Variants in C5orf24 observed in about 807,000 individuals in gnomAD.
C5orf24 encodes the protein UPF0461 protein C5orf24.
Under a neutral mutation model 9.8 loss-of-function variants are expected in C5orf24, and 4 were observed. That is an observed-to-expected ratio of 0.41 (90% CI 0.20 to 0.93). The LOEUF (loss-of-function observed/expected upper bound fraction) is 0.93. C5orf24 is among the 40% of genes least tolerant of loss of function. The pLI, the probability that C5orf24 is intolerant of heterozygous loss-of-function variation, is 0.33. For missense variants in C5orf24, 170 were observed against 236.9 expected, an observed-to-expected ratio of 0.72 and a Z score of 1.85; for synonymous variants, 73 against 81.3, an observed-to-expected ratio of 0.90 and a Z score of 0.55.
chr5:134,846,044 G>T lies in C5orf24; in HGVS notation c.-172G>T, dbSNP rs2150171024. On this transcript the variant is annotated 5_prime_UTR_variant, in exon 1 of 2. Transcript: ENST00000394976. ...TGCGCGGCGGCCGCGGCGGGTGCTG[G>T]GAGCCAGCGCCTGCCTCGCCGCCGC... is the stretch of plus-strand genomic sequence containing the variant. The T allele has an allele frequency of 6.6e-6, 1 of 152,470 alleles. No individual in the cohort carries two copies. The highest frequency in any genetic ancestry group is 1.5e-5 in the Non-Finnish European group (1 of 68,158). 9.4% of individuals were successfully genotyped at this position (152,470 alleles called of 1,614,324 possible). A position where few individuals can be genotyped will look rare whatever the true frequency, so the allele number is the denominator to read the frequency against.
In C5orf24 at chr5:134,857,932, G is replaced by T; in HGVS notation, c.*2465G>T. On this transcript the variant is annotated 3_prime_UTR_variant, in exon 2 of 2. Coordinates refer to ENST00000394976, the MANE Select transcript of C5orf24 (RefSeq NM_001135586.1). ...ATACATACCCTTCCCTTTCTCCCCT[G>T]CCTTTCGTACATTCATTCCTCTTCC... is the stretch of plus-strand genomic sequence containing the variant. The T allele has an allele frequency of 6.0e-6, 1 of 166,856 alleles. No individual in the cohort carries two copies. 10.3% of individuals were successfully genotyped at this position (166,856 alleles called of 1,614,324 possible).
chr5:134,853,547 T>TTG (rs973378276), intron 1 of C5orf24, among the ~76,000 whole-genome samples: 1 of 145,998 alleles, frequency 6.8e-6, no homozygotes, highest in Non-Finnish European at 1.5e-5. Context: ...TTTTTTTTTT[T>TTG]TTTTCTATTT....
rs181987303 is a variant in C5orf24, at chr5:134,853,794, A to T, written c.-3-1104A>T. Among the ~76,000 whole-genome samples the T allele has an allele frequency of 2.8e-4, 43 of 152,242 alleles. No homozygotes were observed. In the East Asian group the frequency reaches 3.7e-3, roughly 13 times the overall value. ...TTGATAAATACACCTTACAAATAGG[A>T]GGTATTGGCTGGGTGCGGTGGCTCA... On this transcript the variant is annotated intron_variant, in intron 1 of 1. Coordinates refer to ENST00000394976, the MANE Select transcript of C5orf24 (RefSeq NM_001135586.1).
chr5:134,849,018 G>A (rs1333700034), intron 1 of C5orf24, among the ~76,000 whole-genome samples: 2 of 151,760 alleles, frequency 1.3e-5, no homozygotes, highest in Non-Finnish European at 2.9e-5. Flanking sequence ...AGTACTTTGG[G>A]AGGCTGAGCG....
upstream of C5orf24, among the ~76,000 whole-genome samples, chr5:134,843,235 C>G (rs1490159062): frequency 3.3e-5 from 5 of 152,092 alleles, no homozygotes; most frequent in African/African-American, 1.2e-4. Context: ...CCTCGGCCTC[C>G]CAAAGTCCTG....
intron 1 of C5orf24, among the ~76,000 whole-genome samples, chr5:134,849,847 G>A (rs1195426978): frequency 4.0e-5 from 6 of 151,512 alleles, no homozygotes; most frequent in Admixed American, 6.6e-5. Flanking sequence ...TTGTAGTGAC[G>A]GGGTTTCTCC....
upstream of C5orf24, among the ~76,000 whole-genome samples, chr5:134,843,348 A>G (rs756628707): frequency 8.5e-5 from 13 of 152,218 alleles, no homozygotes; most frequent in Non-Finnish European, 1.8e-4. Flanking sequence ...TATAACTTGT[A>G]TGAGCTTAAA....
chr5:134,847,318 C>G (rs1042432537), intron 1 of C5orf24, among the ~76,000 whole-genome samples: 1 of 152,096 alleles, frequency 6.6e-6, no homozygotes, highest in Non-Finnish European at 1.5e-5. Flanking sequence ...TTTTTTGAAA[C>G]GGAGTCTCAC....
chr5:134,853,525 CTTCTTT>C (rs1221255546), intron 1 of C5orf24, among the ~76,000 whole-genome samples: 1 of 127,530 alleles, frequency 7.8e-6, no homozygotes, highest in African/African-American at 2.9e-5. Flanking sequence ...TCTTCTTCTT[CTTCTTT>C]TTTTTTTTTT....
chr5:134,846,433 T>G (rs1045356621), intron 1 of C5orf24: 1 of 152,332 alleles, frequency 6.6e-6, no homozygotes, highest in African/African-American at 2.4e-5. Context: ...CCCTTTCTTT[T>G]CTTTGAGAGG....
At chr5:134,854,092 A>T (rs1034334182) in intron 1 of C5orf24, among the ~76,000 whole-genome samples, 9 of 152,208 alleles carry the variant, frequency 5.9e-5, no homozygotes, top group Middle Eastern at 3.2e-3. Context: ...AAATTTTTTT[A>T]AAAAAGGAGA....
upstream of C5orf24, among the ~76,000 whole-genome samples, chr5:134,842,354 G>A (rs903327663): frequency 6.6e-6 from 1 of 152,020 alleles, no homozygotes; most frequent in African/African-American, 2.4e-5. Flanking sequence ...GCCAGGCATG[G>A]TAGCACATGC....
At chr5:134,844,862 C>T (rs1561883663), upstream of C5orf24, among the ~76,000 whole-genome samples, 1 of 152,152 alleles carries the variant, frequency 6.6e-6, no homozygotes, top group East Asian at 1.9e-4. Context: ...CTCAGCCTTC[C>T]GAGTAGCTGG....
chr5:134,837,106 T>C, the C5orf24 span, among the ~76,000 whole-genome samples: 1 of 152,072 alleles, frequency 6.6e-6, no homozygotes, highest in African/African-American at 2.4e-5. Context: ...CCCAAGTAGC[T>C]GGGACTATAG....
At chr5:134,838,367 T>G in the C5orf24 span, among the ~76,000 whole-genome samples, 1 of 152,090 alleles carries the variant, frequency 6.6e-6, no homozygotes, top group African/African-American at 2.4e-5. Flanking sequence ...TGGAATAGTG[T>G]GATGTTTAAA....
chr5:134,857,916 C>T lies in C5orf24; in HGVS notation c.*2449C>T, dbSNP rs963338151. 1 of 167,066 alleles carries T rather than the reference C, an allele frequency of 6.0e-6. No individual in the cohort carries two copies. Among genetic ancestry groups the T allele is most frequent in the African/African-American group, 2.4e-5 (1 of 41,434 alleles). The allele number at this position is 167,066 out of a possible 1,614,324, so 10.3% of individuals were successfully genotyped here. ...CCTTCCTTATTTTGTTATACATACC[C>T]TTCCCTTTCTCCCCTGCCTTTCGTA... On this transcript the variant is annotated 3_prime_UTR_variant, in exon 2 of 2. Transcript: ENST00000394976.
chr5:134,856,382 C>CCA lies in C5orf24; in HGVS notation c.*915_*916insCA. On this transcript the variant is annotated 3_prime_UTR_variant, in exon 2 of 2. Coordinates refer to ENST00000394976, the MANE Select transcript of C5orf24 (RefSeq NM_001135586.1). ...AACATTTATTGGCTGGGTGTGGTGGCTCACACCCAGCACTTTGGGAGGCCG... is the reference window on the plus strand; with the variant it reads ...AACATTTATTGGCTGGGTGTGGTGGCCATCACACCCAGCACTTTGGGAGGCCG... The CCA allele has an allele frequency of 3.3e-6, 3 of 920,262 alleles. No individual in the cohort carries two copies. Among genetic ancestry groups the CCA allele is most frequent in the South Asian group, 5.1e-5 (1 of 19,496 alleles). The allele number at this position is 920,262 out of a possible 1,614,324, so 57.0% of individuals were successfully genotyped here. A position where few individuals can be genotyped will look rare whatever the true frequency, so the allele number is the denominator to read the frequency against.
chr5:134,837,970 G>A, the C5orf24 span, among the ~76,000 whole-genome samples: 5 of 152,080 alleles, frequency 3.3e-5, no homozygotes, highest in Non-Finnish European at 5.9e-5. Context: ...ACTTGGGTTG[G>A]GTGTGGTTGC....
At chr5:134,854,134 T>C (rs1201829600) in intron 1 of C5orf24, among the ~76,000 whole-genome samples, 1 of 152,216 alleles carries the variant, frequency 6.6e-6, no homozygotes, top group Admixed American at 6.5e-5. Context: ...CATATTTTTG[T>C]AGTATAAGTC....
Sources: gnomAD v4.1 joint callset for allele counts (sites outside exome capture counted in the v4.1 genomes callset) on GRCh38, gnomAD v4.1.1 for gene constraint, MANE v1.5 for transcripts, NCBI Gene and HGNC (gene_info 2026-07-23, HGNC 2026-07-21) for gene names.